Variants in GASK1A observed in about 807,000 individuals in gnomAD.
The protein encoded by GASK1A is golgi associated kinase 1A, also known as Golgi-associated kinase 1A.
GASK1A carries 40 observed loss-of-function variants against 41.2 expected under a neutral mutation model. The ratio of observed to expected loss-of-function variants is 0.97; its 90% CI spans 0.75 to 1.27. The LOEUF (loss-of-function observed/expected upper bound fraction) is 1.27, where lower values mean the gene tolerates loss of function less well. Among genes scored for constraint, GASK1A ranks in the 50% most tolerant of loss-of-function variants. The probability of loss-of-function intolerance (pLI) is 0.00; values close to 1 mark genes in which losing one functional copy is unlikely to be tolerated. For synonymous variants in GASK1A, 316 were observed against 307.1 expected, an observed-to-expected ratio of 1.03 and a Z score of -0.30; for missense variants, 678 against 745.1, an observed-to-expected ratio of 0.91 and a Z score of 1.05.
intron 1 of GASK1A, among the ~76,000 whole-genome samples, chr3:43,019,918 C>T (rs1419432340): frequency 6.6e-6 from 1 of 152,220 alleles, no homozygotes; most frequent in African/African-American, 2.4e-5. Context: ...TCTCCATCTT[C>T]CCTGCCCAGC....
intron 1 of GASK1A, among the ~76,000 whole-genome samples, chr3:43,026,174 G>A (rs754890829): frequency 1.3e-5 from 2 of 152,106 alleles, no homozygotes; most frequent in Non-Finnish European, 2.9e-5. Context: ...GATCCAGCTG[G>A]ACTATTGGGA....
At chr3:43,055,790 A>G in intron 4 of GASK1A, 1 of 502,090 alleles carries the variant, frequency 2.0e-6, no homozygotes, top group Non-Finnish European at 3.6e-6. Context: ...TGGGAAGGCT[A>G]GTCCTTCCCT....
intron 1 of GASK1A, among the ~76,000 whole-genome samples, chr3:43,015,965 A>G (rs949099217): frequency 2.4e-4 from 36 of 151,852 alleles, no homozygotes; most frequent in Admixed American, 2.6e-4. Flanking sequence ...GTGTGAAGCC[A>G]CAGGAAGGGT....
intron 1 of GASK1A, 54 bp downstream of exon 1, chr3:42,979,699 A>G (rs1216881225): frequency 4.8e-6 from 6 of 1,244,372 alleles, no homozygotes; most frequent in African/African-American, 1.6e-5. Context: ...TCACCAGGAC[A>G]GGTGGCTGCA....
intron 1 of GASK1A, among the ~76,000 whole-genome samples, chr3:42,987,020 T>C (rs1230046682): frequency 4.6e-5 from 7 of 152,224 alleles, no homozygotes; most frequent in Non-Finnish European, 8.8e-5. Flanking sequence ...GTTTCTTTTC[T>C]AGTCACACTT....
rs2089589236 is a variant in GASK1A at position 43,033,346 on chromosome 3, A to G, written c.1083A>G (p.Thr361=). The G allele has an allele frequency of 6.4e-7, 1 of 1,551,324 alleles. No individual in the cohort carries two copies. Among genetic ancestry groups the G allele is most frequent in the Non-Finnish European group, 8.7e-7 (1 of 1,146,788 alleles). ...FHSPLLPYRY[T]DGGARPVIWW... Reference sequence around the variant, plus strand: ...GCCCCCTCCTGCCCTACCGATACACAGACGGTGGAGCAAGGCCTGTCATCT... The same window carrying G: ...GCCCCCTCCTGCCCTACCGATACACGGACGGTGGAGCAAGGCCTGTCATCT... Residue 361 remains threonine (T), a synonymous_variant, in exon 2 of 5, where the codon ACA becomes ACG. Coordinates refer to ENST00000430121, the MANE Select transcript of GASK1A (RefSeq NM_001129908.3).
chr3:43,041,516 A>G (rs1000039735), intron 2 of GASK1A, among the ~76,000 whole-genome samples: 15 of 152,206 alleles, frequency 9.9e-5, no homozygotes, highest in Admixed American at 2.6e-4. Flanking sequence ...GGCTGCATAA[A>G]TGTCTTCTTT....
chr3:43,056,263 G>A lies in GASK1A; in HGVS notation c.1605G>A (p.Trp535Ter). 1 of 1,551,726 alleles carries A rather than the reference G, an allele frequency of 6.4e-7. No homozygotes were observed. The highest frequency in any genetic ancestry group is 2.4e-5 in the East Asian group (1 of 40,918). The change falls in exon 5 of 5, where the codon TGG becomes TGA. Residue 535 changes from tryptophan (W) to a stop codon, truncating the protein, a stop_gained. Coordinates refer to ENST00000430121, the MANE Select transcript of GASK1A (RefSeq NM_001129908.3). LOFTEE classifies it low-confidence loss of function (END_TRUNC). ...LKSLQMDPVFWESQGGAQGLK... is the reference protein window; with the variant it reads ...LKSLQMDPVF ...CGCTGCAGATGGACCCAGTGTTCTGGGAAAGCCAAGGCGGAGCCCAGGGGC... is the reference window on the plus strand; with the variant it reads ...CGCTGCAGATGGACCCAGTGTTCTGAGAAAGCCAAGGCGGAGCCCAGGGGC...
At chr3:42,989,020 G>T (rs1380581515) in intron 1 of GASK1A, among the ~76,000 whole-genome samples, 1 of 152,238 alleles carries the variant, frequency 6.6e-6, no homozygotes, top group Non-Finnish European at 1.5e-5. Context: ...AATGCTTGGT[G>T]ATATCTTTGA....
chr3:43,047,330 G>A (rs2089669141), intron 2 of GASK1A, among the ~76,000 whole-genome samples: 1 of 152,234 alleles, frequency 6.6e-6, no homozygotes, highest in African/African-American at 2.4e-5. Flanking sequence ...ATACAGGTGG[G>A]ATGATACTAG....
intron 2 of GASK1A, among the ~76,000 whole-genome samples, chr3:43,052,748 A>G (rs1424169974): frequency 2.0e-5 from 3 of 152,114 alleles, no homozygotes; most frequent in Admixed American, 6.5e-5. Context: ...TCTTGCTTGT[A>G]TGCCTCTCCA....
At chr3:42,999,118 C>G (rs1334060403) in intron 1 of GASK1A, among the ~76,000 whole-genome samples, 1 of 151,710 alleles carries the variant, frequency 6.6e-6, no homozygotes, top group Admixed American at 6.6e-5. Flanking sequence ...CTTTTCTTTC[C>G]CTTGTACTAA....
chr3:42,991,896 C>T (rs1241798236), intron 1 of GASK1A, among the ~76,000 whole-genome samples: 3 of 152,156 alleles, frequency 2.0e-5, no homozygotes, highest in African/African-American at 7.2e-5. Flanking sequence ...TCCTGGATAG[C>T]ACGGGTGCTC....
chr3:43,026,867 A>G (rs2089549474), intron 1 of GASK1A, among the ~76,000 whole-genome samples: 1 of 152,226 alleles, frequency 6.6e-6, no homozygotes, highest in South Asian at 2.1e-4. Flanking sequence ...GCTCAAGAAA[A>G]TTCTCATGAA....
intron 2 of GASK1A, among the ~76,000 whole-genome samples, chr3:43,052,465 G>A (rs2089695942): frequency 6.6e-6 from 1 of 152,076 alleles, no homozygotes; most frequent in African/African-American, 2.4e-5. Flanking sequence ...GACCTCCAGG[G>A]ATTTCACCTT....
chr3:43,041,076 AG>A (rs1299959016), intron 2 of GASK1A, among the ~76,000 whole-genome samples: 1 of 150,100 alleles, frequency 6.7e-6, no homozygotes, highest in Non-Finnish European at 1.5e-5. Context: ...ATGGCTGCAT[AG>A]TATTCCATGG....
In GASK1A at chr3:43,033,394, C is replaced by G. The variant is rs759573870; in HGVS notation, c.1131C>G (p.His377Gln). Reference protein sequence around the residue: ...PVIWWAPDVQHLSDPDEDQNS... With the variant: ...PVIWWAPDVQQLSDPDEDQNS... ...TCTGGTGGGCACCCGATGTGCAGCA[C>G]CTGAGCGACCCAGATGAGGATCAGA... The change falls in exon 2 of 5, where the codon CAC (histidine) becomes CAG (glutamine). Residue 377 changes from histidine to glutamine, a missense_variant. By Grantham distance (24) the His-to-Gln change is conservative (BLOSUM62 0). Transcript: ENST00000430121. The G allele has an allele frequency of 3.0e-5, 46 of 1,551,614 alleles. No individual in the cohort carries two copies. In the East Asian group the frequency reaches 1.1e-3, roughly 37 times the overall value.
At chr3:42,993,394 G>A (rs2089352310) in intron 1 of GASK1A, among the ~76,000 whole-genome samples, 2 of 152,168 alleles carry the variant, frequency 1.3e-5, no homozygotes, top group African/African-American at 4.8e-5. Context: ...AAGTGCATTT[G>A]TTATTAGGTA....
chr3:43,025,647 T>G (rs183448309), intron 1 of GASK1A, among the ~76,000 whole-genome samples: 2 of 152,178 alleles, frequency 1.3e-5, no homozygotes, highest in Non-Finnish European at 2.9e-5. Flanking sequence ...GAATAAATCT[T>G]GTGGAAGTGT....
Sources: gnomAD v4.1 joint callset for allele counts (sites outside exome capture counted in the v4.1 genomes callset) on GRCh38, gnomAD v4.1.1 for gene constraint, MANE v1.5 for transcripts, NCBI Gene and HGNC (gene_info 2026-07-23, HGNC 2026-07-21) for gene names.